PLB1: variants seen among roughly 807,000 people sequenced by gnomAD.
PLB1 encodes the protein phospholipase B1, membrane-associated.
A neutral mutation model predicts 227.4 loss-of-function variants in PLB1; 242 were observed. That is an observed-to-expected ratio of 1.06 (90% CI 0.96 to 1.18). PLB1 has a LOEUF of 1.18. Ranked by LOEUF, PLB1 falls within the 50% of genes most tolerant of loss-of-function variation. PLB1 has a pLI of 0.00. For synonymous variants in PLB1, 757 were observed against 682.2 expected, an observed-to-expected ratio of 1.11 and a Z score of -1.71; for missense variants, 1,858 against 1,816.3, an observed-to-expected ratio of 1.02 and a Z score of -0.42.
chr2:28,584,560 A>G (rs184278820), intron 25 of PLB1, among the ~76,000 whole-genome samples: 2 of 152,332 alleles, frequency 1.3e-5, no homozygotes, highest in Admixed American at 1.3e-4. Context: ...TTCAAACTCA[A>G]GGTTCAAAAT....
In PLB1 at chr2:28,591,033, AG is replaced by A; in HGVS notation, c.2089-98del. The stretch of plus-strand genomic sequence containing the variant: ...GCTGGGCTTGGGACACAGGGCAGGC[AG>A]GCCGCAGCTGTTTGTGCCAGGCCGA... On this transcript the variant is annotated intron_variant, in intron 29 of 57. Coordinates refer to ENST00000327757, the MANE Select transcript of PLB1 (RefSeq NM_153021.5). The A allele has an allele frequency of 4.8e-6, 7 of 1,456,140 alleles. No individual in the cohort carries two copies. In the South Asian group the frequency reaches 8.0e-5, roughly 17 times the overall value. The allele number at this position is 1,456,140 out of a possible 1,614,324, so 90.2% of individuals were successfully genotyped here.
rs1397196922 is a variant in PLB1, at chr2:28,581,923, T to G, written c.1567-145T>G. Reference sequence around the variant, plus strand: ...TTGCAGTGAGCCATGATCACACCACTGCACTCCAGCCCGGGAGACAGAGTG... The same window carrying G: ...TTGCAGTGAGCCATGATCACACCACGGCACTCCAGCCCGGGAGACAGAGTG... On this transcript the variant is annotated intron_variant, in intron 23 of 57. Transcript: ENST00000327757. 5.9e-5 allele frequency: 39 copies of G among 662,222 alleles called. No individual in the cohort carries two copies. The East Asian group carries it at 1.2e-3, about 20-fold the overall frequency. 41.0% of individuals were successfully genotyped at this position (662,222 alleles called of 1,614,324 possible). A position where few individuals can be genotyped will look rare whatever the true frequency, so the allele number is the denominator to read the frequency against.
intron 22 of PLB1, among the ~76,000 whole-genome samples, chr2:28,578,836 A>G (rs1317723159): frequency 6.6e-6 from 1 of 152,158 alleles, no homozygotes; most frequent in Non-Finnish European, 1.5e-5. Context: ...TTCTACCCTT[A>G]ATGTCAAACT....
At position 28,548,911 on chromosome 2, in the gene PLB1, C is replaced by T. The variant is rs746068930; in HGVS notation, c.988C>T (p.Pro330Ser). 1.2e-6 allele frequency: 2 copies of T among 1,614,040 alleles called. No individual in the cohort carries two copies. Among genetic ancestry groups the T allele is most frequent in the Non-Finnish European group, 1.7e-6 (2 of 1,179,942 alleles). The change falls in exon 15 of 58, where the codon CCA (proline) becomes TCA (serine). Residue 330 changes from proline to serine, a missense_variant. By Grantham distance (74) the Pro-to-Ser change is moderately conservative. Transcript: ENST00000327757. ...GCCATTGAGTGTAAAACACGGGAGG[C>T]CAATGAAGTGTCCCTCTCAGGTAGG... ...DEPLSVKHGR[P>S]MKCPSQESPY...
chr2:28,589,572 C>T lies in PLB1; in HGVS notation c.1920+18C>T, dbSNP rs376838411. 31 of 1,612,760 alleles carry T rather than the reference C, an allele frequency of 1.9e-5. No homozygotes were observed. The highest frequency in any genetic ancestry group is 2.7e-5 in the African/African-American group (2 of 74,896). On this transcript the variant is annotated intron_variant, in intron 27 of 57. Transcript: ENST00000327757. ...AGACCTCGGTAAAGAAAGCAAGCATCGTAGAAAAATAGAATCCACAGATAG... is the reference window on the plus strand; with the variant it reads ...AGACCTCGGTAAAGAAAGCAAGCATTGTAGAAAAATAGAATCCACAGATAG...
intron 2 of PLB1, among the ~76,000 whole-genome samples, chr2:28,517,519 T>A (rs566548925): frequency 6.6e-6 from 1 of 152,210 alleles, no homozygotes; most frequent in Admixed American, 6.5e-5. Flanking sequence ...GACACTCTGG[T>A]AGGGACATGA....
At chr2:28,635,545 G>A (rs1195621324) in intron 56 of PLB1, among the ~76,000 whole-genome samples, 4 of 122,062 alleles carry the variant, frequency 3.3e-5, no homozygotes, top group African/African-American at 1.0e-4. Flanking sequence ...TATACCCGGT[G>A]AATTCATGTC....
intron 2 of PLB1, 42 bp downstream of exon 2, chr2:28,516,911 G>T: frequency 1.9e-6 from 3 of 1,587,724 alleles, no homozygotes; most frequent in Non-Finnish European, 2.6e-6. Context: ...GTATGGAGGG[G>T]AGAGGGAGGA....
intron 21 of PLB1, among the ~76,000 whole-genome samples, chr2:28,574,888 A>G (rs6723329): frequency 0.56 from 85,104 of 152,006 alleles, 24,970 homozygotes; most frequent in Middle Eastern, 0.68. Context: ...TGGTGTATAT[A>G]TACCACATTT....
intron 51 of PLB1, among the ~76,000 whole-genome samples, chr2:28,627,529 G>A (rs1472151143): frequency 2.2e-4 from 34 of 152,198 alleles, no homozygotes; most frequent in Admixed American, 2.2e-3. Flanking sequence ...GAAGGAAAGG[G>A]GGAAAGGCAG....
At position 28,532,088 on chromosome 2, in the gene PLB1, G is replaced by A. The variant is rs762621589; in HGVS notation, c.469-20G>A. 3 of 1,581,708 alleles carry A rather than the reference G, an allele frequency of 1.9e-6. No individual in the cohort carries two copies. The highest frequency in any genetic ancestry group is 1.7e-6 in the Non-Finnish European group (2 of 1,152,816). On this transcript the variant is annotated intron_variant, in intron 8 of 57. Coordinates refer to ENST00000327757, the MANE Select transcript of PLB1 (RefSeq NM_153021.5). Reference sequence around the variant, plus strand: ...GGTCTTAACACAATCTCCTTTTCATGCTGTTGCCCTTTTATTCAGCAACTT... The same window carrying A: ...GGTCTTAACACAATCTCCTTTTCATACTGTTGCCCTTTTATTCAGCAACTT...
intron 16 of PLB1, among the ~76,000 whole-genome samples, chr2:28,550,435 C>T (rs112939634): frequency 1.5e-4 from 22 of 151,636 alleles, no homozygotes; most frequent in African/African-American, 4.6e-4. Flanking sequence ...CTCAGCCTCC[C>T]GAAGTGCTGG....
rs773221645 is a variant in PLB1 at position 28,550,094 on chromosome 2, G to C, written c.1083+10G>C. On this transcript the variant is annotated intron_variant, in intron 16 of 57. Transcript: ENST00000327757. Reference sequence around the variant, plus strand: ...CCAAGACAAGCTTGAGGTAAGGAAAGGTTTTCTGTAATTGACAAACATGCA... The same window carrying C: ...CCAAGACAAGCTTGAGGTAAGGAAACGTTTTCTGTAATTGACAAACATGCA... 3.1e-6 allele frequency: 5 copies of C among 1,602,652 alleles called. No individual in the cohort carries two copies. Among genetic ancestry groups the C allele is most frequent in the Non-Finnish European group, 4.3e-6 (5 of 1,171,190 alleles).
At chr2:28,537,887 C>T (rs578173751) in intron 9 of PLB1, among the ~76,000 whole-genome samples, 1 of 152,028 alleles carries the variant, frequency 6.6e-6, no homozygotes, top group Non-Finnish European at 1.5e-5. Context: ...ATGAAGGTTC[C>T]GAGGCCCATC....
intron 56 of PLB1, among the ~76,000 whole-genome samples, chr2:28,637,126 TC>T (rs1689452220): frequency 6.6e-6 from 1 of 151,912 alleles, no homozygotes; most frequent in Admixed American, 6.6e-5. Flanking sequence ...AAACCCCATC[TC>T]TACTAAAAAT....
chr2:28,550,805 G>C (rs1674126847), intron 16 of PLB1, among the ~76,000 whole-genome samples: 1 of 152,126 alleles, frequency 6.6e-6, no homozygotes, highest in Non-Finnish European at 1.5e-5. Flanking sequence ...CTCCCAAAGT[G>C]CTGAGGTGAC....
intron 9 of PLB1, among the ~76,000 whole-genome samples, chr2:28,536,506 C>A (rs945695523): frequency 6.6e-6 from 1 of 152,162 alleles, no homozygotes; most frequent in African/African-American, 2.4e-5. Flanking sequence ...TTGGAGGGTA[C>A]ACTGGTGTGT....
intron 51 of PLB1, among the ~76,000 whole-genome samples, chr2:28,628,231 G>A (rs1573543657): frequency 6.6e-6 from 1 of 152,344 alleles, no homozygotes; most frequent in East Asian, 1.9e-4. Flanking sequence ...AGGGGCTGGA[G>A]AAGGCTGAGG....
chr2:28,573,959 A>G (rs1461137367), intron 21 of PLB1, among the ~76,000 whole-genome samples: 3 of 152,218 alleles, frequency 2.0e-5, no homozygotes, highest in African/African-American at 7.2e-5. Flanking sequence ...CCTCGGGGGA[A>G]ACATCAGTGA....
Sources: gnomAD v4.1 joint callset for allele counts (sites outside exome capture counted in the v4.1 genomes callset) on GRCh38, gnomAD v4.1.1 for gene constraint, MANE v1.5 for transcripts, NCBI Gene and HGNC (gene_info 2026-07-23, HGNC 2026-07-21) for gene names.